KNTC1: variants seen among roughly 807,000 people sequenced by gnomAD.
KNTC1 encodes kinetochore-associated protein 1.
In KNTC1, 253 loss-of-function variants were observed where a neutral mutation model predicts 314.4. The ratio of observed to expected loss-of-function variants is 0.80; its 90% CI spans 0.73 to 0.89. The LOEUF (loss-of-function observed/expected upper bound fraction) is 0.89. KNTC1 is among the 40% of genes least tolerant of loss of function. The pLI, the probability that KNTC1 is intolerant of heterozygous loss-of-function variation, is 0.00. For synonymous variants in KNTC1, 901 were observed against 901.4 expected, an observed-to-expected ratio of 1.00 and a Z score of 0.01; for missense variants, 2,475 against 2,572.9, an observed-to-expected ratio of 0.96 and a Z score of 0.82.
At chr12:122,596,443 T>C (rs1245313000) in intron 43 of KNTC1, among the ~76,000 whole-genome samples, 2 of 150,912 alleles carry the variant, frequency 1.3e-5, no homozygotes, top group African/African-American at 4.9e-5. Flanking sequence ...GGTCTCCAAC[T>C]CCTGACCTCG....
intron 3 of KNTC1, among the ~76,000 whole-genome samples, chr12:122,536,473 C>T (rs908691422): frequency 4.6e-5 from 7 of 151,674 alleles, no homozygotes; most frequent in African/African-American, 7.3e-5. Context: ...CTGCCCGCCT[C>T]GGCCTCCTGA....
chr12:122,586,997 A>G (rs939393308), intron 38 of KNTC1, among the ~76,000 whole-genome samples: 11 of 152,060 alleles, frequency 7.2e-5, no homozygotes. Context: ...TTGTATTTTT[A>G]GTAGAGACAG....
intron 6 of KNTC1, 90 bp from the exon 7 acceptor site, chr12:122,543,510 T>A: frequency 1.1e-6 from 1 of 943,146 alleles, no homozygotes; most frequent in Non-Finnish European, 1.6e-6. Context: ...AACTAGATTG[T>A]ATTTAATTTC....
intron 16 of KNTC1, among the ~76,000 whole-genome samples, chr12:122,554,076 A>AATATATATATATATATATATATATATAT (rs60404988): frequency 1.8e-5 from 2 of 109,062 alleles, no homozygotes; most frequent in African/African-American, 7.8e-5. Flanking sequence ...AAAAAAAAAA[A>AATATATATATATATATATATATATATAT]ATATATATAT....
chr12:122,568,855 A>T (rs993348492), intron 21 of KNTC1, among the ~76,000 whole-genome samples: 1 of 152,060 alleles, frequency 6.6e-6, no homozygotes, highest in Non-Finnish European at 1.5e-5. Flanking sequence ...AAAAAAAAAA[A>T]TTACTTTTCC....
intron 32 of KNTC1, 113 bp from the exon 33 acceptor site, chr12:122,580,490 C>G: frequency 1.6e-6 from 1 of 637,852 alleles, no homozygotes; most frequent in Non-Finnish European, 2.8e-6. Context: ...TTGAGAAGAA[C>G]TACTGAAGAC....
chr12:122,578,890 G>A (rs902353994), intron 31 of KNTC1, among the ~76,000 whole-genome samples: 2 of 152,146 alleles, frequency 1.3e-5, no homozygotes, highest in African/African-American at 2.4e-5. Context: ...TAACAAAGGT[G>A]TAAAGTAGTT....
intron 2 of KNTC1, among the ~76,000 whole-genome samples, chr12:122,533,331 T>G (rs1353455495): frequency 2.0e-5 from 3 of 152,114 alleles, no homozygotes; most frequent in Non-Finnish European, 2.9e-5. Context: ...CACGCCCGGC[T>G]AATTTTAGTG....
intron 3 of KNTC1, 80 bp from the exon 4 acceptor site, chr12:122,538,259 A>T (rs1052550231): frequency 1.3e-6 from 1 of 796,440 alleles, no homozygotes; most frequent in Non-Finnish European, 2.0e-6. Context: ...TGGCTTTTTA[A>T]TGAGAAAAAT....
At position 122,568,275 on chromosome 12, in the gene KNTC1, T is replaced by C. The variant is rs1277639997; in HGVS notation, c.1619T>C (p.Ile540Thr). The C allele has an allele frequency of 1.3e-6, 2 of 1,538,880 alleles. No individual in the cohort carries two copies. Among genetic ancestry groups the C allele is most frequent in the Non-Finnish European group, 1.8e-6 (2 of 1,115,240 alleles). ...TGTCTATTCAGTGGCAGTTCTTGGA[T>C]TGAATTTCTAAATAATGAAGATGAT... is the stretch of plus-strand genomic sequence containing the variant. Reference protein sequence around the residue: ...GPEKFSGSSWIEFLNNEDDLK... With the variant: ...GPEKFSGSSWTEFLNNEDDLK... The change falls in exon 21 of 64, where the codon ATT (isoleucine) becomes ACT (threonine). Residue 540 changes from isoleucine to threonine, a missense_variant. Coordinates refer to ENST00000333479, the MANE Select transcript of KNTC1 (RefSeq NM_014708.6).
rs1056277932 is a variant in KNTC1, at chr12:122,593,151, A to G, written c.4246-1125A>G. 8 of 178,442 alleles carry G rather than the reference A, an allele frequency of 4.5e-5. No individual in the cohort carries two copies. In the East Asian group the frequency reaches 1.3e-3, roughly 30 times the overall value. 11.1% of individuals were successfully genotyped at this position (178,442 alleles called of 1,614,324 possible). On this transcript the variant is annotated intron_variant, in intron 42 of 63. Coordinates refer to ENST00000333479, the MANE Select transcript of KNTC1 (RefSeq NM_014708.6). ...GACGCGCCACCTTAAGAGCTGTAAC[A>G]CTCACCTCGGGGGTCCGCGGCTTCA...
rs765516544 is a variant in KNTC1 at position 122,605,391 on chromosome 12, A to G, written c.5472A>G (p.Leu1824=). The change falls in exon 51 of 64, where the codon CTA becomes CTG. Residue 1824 remains leucine, a synonymous_variant. Transcript: ENST00000333479. ...KVWDMLLEKW[L]CPSTKPGEKP... ...GGGACATGTTGTTGGAAAAATGGCT[A>G]TGCCCTTCAACAAAACCTGGTGAAG... 22 of 1,596,562 alleles carry G rather than the reference A, an allele frequency of 1.4e-5. No individual in the cohort carries two copies. Among genetic ancestry groups the G allele is most frequent in the East Asian group, 6.7e-5 (3 of 44,512 alleles).
rs776231796 is a variant in KNTC1, at chr12:122,573,254, A to G, written c.2252A>G (p.Gln751Arg). The G allele has an allele frequency of 6.2e-7, 1 of 1,613,860 alleles. No individual in the cohort carries two copies. Among genetic ancestry groups the G allele is most frequent in the East Asian group, 2.2e-5 (1 of 44,858 alleles). ...IRVYMREHDL[Q>R]EEELLLLYIE... ...GTTTACATGAGAGAACATGACTTGC[A>G]AGAGGAGGAACTTCTCTTGCTGTAC... is the stretch of plus-strand genomic sequence containing the variant. The change falls in exon 26 of 64, where the codon CAA (glutamine) becomes CGA (arginine). Residue 751 changes from glutamine to arginine, a missense_variant. Coordinates refer to ENST00000333479, the MANE Select transcript of KNTC1 (RefSeq NM_014708.6).
intron 20 of KNTC1, among the ~76,000 whole-genome samples, chr12:122,566,261 C>G (rs1286951525): frequency 6.9e-6 from 1 of 144,334 alleles, no homozygotes; most frequent in African/African-American, 2.6e-5. Context: ...TTTTTTTTTT[C>G]AATGAGACAG....
At chr12:122,619,870 T>C (rs1874227834) in intron 59 of KNTC1, among the ~76,000 whole-genome samples, 1 of 152,144 alleles carries the variant, frequency 6.6e-6, no homozygotes, top group Non-Finnish European at 1.5e-5. Context: ...CGTTGTCGCA[T>C]ATATTTTGAG....
intron 6 of KNTC1, among the ~76,000 whole-genome samples, chr12:122,542,429 G>A (rs1208163506): frequency 2.6e-5 from 4 of 152,170 alleles, no homozygotes; most frequent in Non-Finnish European, 4.4e-5. Context: ...ACTTTTTAAT[G>A]TGGTGGATGA....
intron 3 of KNTC1, among the ~76,000 whole-genome samples, chr12:122,536,093 C>T (rs1961798203): frequency 6.8e-6 from 1 of 147,644 alleles, no homozygotes; most frequent in African/African-American, 2.5e-5. Context: ...TTAGTAGAGA[C>T]AGCATTTCAC....
Position 122,574,344 on chromosome 12 carries a change from G to C in KNTC1, c.2346G>C (p.Lys782Asn). ...TCTTTGAAACAGCATGGGAAGCAAA[G>C]GCCATGGCAGTAATAGCGTGTTTAT... The part of the protein sequence containing the change: ...TSLFETAWEA[K>N]AMAVIACLSD... Residue 782 changes from lysine to asparagine, a missense_variant, in exon 27 of 64, where the codon AAG (lysine) becomes AAC (asparagine). By Grantham distance (94) the Lys-to-Asn change is moderately conservative. Coordinates refer to ENST00000333479, the MANE Select transcript of KNTC1 (RefSeq NM_014708.6). 6.2e-7 allele frequency: 1 copy of C among 1,611,304 alleles called. No homozygotes were observed. The highest frequency in any genetic ancestry group is 2.2e-5 in the East Asian group (1 of 44,848).
intron 34 of KNTC1, among the ~76,000 whole-genome samples, chr12:122,583,223 G>A (rs1420014453): frequency 6.6e-6 from 1 of 150,456 alleles, no homozygotes; most frequent in Non-Finnish European, 1.5e-5. Flanking sequence ...AGGCAGGATC[G>A]TGGCGGGTTG....
Sources: allele counts gnomAD v4.1 joint callset (sites outside exome capture counted in the v4.1 genomes callset), GRCh38; gene constraint gnomAD v4.1.1; transcripts MANE v1.5; gene names NCBI Gene and HGNC (gene_info 2026-07-23, HGNC 2026-07-21).